The following FGR variants were observed in gnomAD, a reference collection of about 807,000 sequenced individuals.
FGR encodes FGR proto-oncogene, Src family tyrosine kinase.
A neutral mutation model predicts 63.2 loss-of-function variants in FGR; 26 were observed. The ratio of observed to expected loss-of-function variants is 0.41; its 90% CI spans 0.30 to 0.57. The LOEUF is 0.57. FGR is among the 20% of genes least tolerant of loss of function. FGR has a pLI of 0.27. For synonymous variants in FGR, 286 were observed against 277.7 expected, an observed-to-expected ratio of 1.03 and a Z score of -0.30; for missense variants, 511 against 690.8, an observed-to-expected ratio of 0.74 and a Z score of 2.92.
chr1:27,623,997 T>C (rs976212550), intron 2 of FGR, 68 bp from the exon 3 acceptor site: 6 of 1,323,898 alleles, frequency 4.5e-6, no homozygotes, highest in Middle Eastern at 2.7e-4. Flanking sequence ...CACACGCGCA[T>C]GCACATGCTC....
At chr1:27,628,477 G>A (rs778792283) in intron 1 of FGR, among the ~76,000 whole-genome samples, 89 of 150,710 alleles carry the variant, frequency 5.9e-4, no homozygotes, top group Non-Finnish European at 8.3e-4. Flanking sequence ...GCACAAATGC[G>A]GATGCCCCCA....
chr1:27,618,321 C>T (rs1392800536), intron 5 of FGR, among the ~76,000 whole-genome samples: 1 of 152,164 alleles, frequency 6.6e-6, no homozygotes, highest in Non-Finnish European at 1.5e-5. Flanking sequence ...AATAATAACA[C>T]ACATATTTCG....
chr1:27,624,512 C>T (rs1347562782), intron 2 of FGR, among the ~76,000 whole-genome samples: 2 of 152,084 alleles, frequency 1.3e-5, no homozygotes, highest in Admixed American at 1.3e-4. Flanking sequence ...TGTACATGTG[C>T]GTCTTTGTGT....
At chr1:27,614,352 G>T in intron 11 of FGR, 78 bp downstream of exon 11, 2 of 1,485,706 alleles carry the variant, frequency 1.3e-6, no homozygotes, top group Non-Finnish European at 1.8e-6. Context: ...AGTGAGGAAG[G>T]GTTCCTGAGT....
rs113479576 is a variant in FGR, at chr1:27,621,413, T to C, written c.428+146A>G. 2.6e-3 allele frequency: 1,627 copies of C among 627,194 alleles called. 11 individuals are homozygous for C. The highest frequency in any genetic ancestry group is 2.3e-3 in the Non-Finnish European group (776 of 338,912). 38.9% of individuals were successfully genotyped at this position (627,194 alleles called of 1,614,324 possible). A position where few individuals can be genotyped will look rare whatever the true frequency, so the allele number is the denominator to read the frequency against. On this transcript the variant is annotated intron_variant, in intron 5 of 12. Transcript: ENST00000374005. ...TACTATTATTATTATCAGTACAATC[T>C]TCTTTTGTTCTCACAATGACCTTAC...
rs758501487 is a variant in FGR at position 27,612,928 on chromosome 1, C to T, written c.1576G>A (p.Gly526Arg). The T allele has an allele frequency of 4.1e-5, 66 of 1,613,714 alleles. No individual in the cohort carries two copies. Among genetic ancestry groups the T allele is most frequent in the Non-Finnish European group, 4.9e-5 (58 of 1,179,922 alleles). The change falls in exon 13 of 13, where the codon GGG (glycine) becomes AGG (arginine). Residue 526 changes from glycine to arginine, a missense_variant. Physicochemically the swap from Gly to Arg is moderately radical, Grantham distance 125. Coordinates refer to ENST00000374005, the MANE Select transcript of FGR (RefSeq NM_005248.3). The stretch of plus-strand genomic sequence containing the variant: ...GCCCGGACAGGCTATGTCTGATCCC[C>T]GGGCTGGTACTGTGGTTCAGCGGAG... ...FTSAEPQYQPGDQT is the reference protein window; with the variant it reads ...FTSAEPQYQPRDQT
chr1:27,621,740 C>T lies in FGR; in HGVS notation c.330-83G>A, dbSNP rs1890463. The stretch of plus-strand genomic sequence containing the variant: ...GGCCAGGTGGAGCCACACAGGTCTG[C>T]AGAGATGAATCCTGCCAAACCCTCA... On this transcript the variant is annotated intron_variant, in intron 4 of 12. Transcript: ENST00000374005. The T allele has an allele frequency of 0.015, 14,596 of 970,466 alleles. 1,339 individuals are homozygous for T. In the Admixed American group the frequency reaches 0.19, roughly 13 times the overall value. 60.1% of individuals were successfully genotyped at this position (970,466 alleles called of 1,614,324 possible). A position where few individuals can be genotyped will look rare whatever the true frequency, so the allele number is the denominator to read the frequency against.
intron 10 of FGR, 110 bp from the exon 11 acceptor site, chr1:27,614,693 T>G: frequency 1.4e-6 from 2 of 1,406,656 alleles, no homozygotes; most frequent in South Asian, 2.6e-5. Flanking sequence ...AGGGGGAGAC[T>G]GAGGCCCAGA....
rs1271327917 is a variant in FGR at position 27,612,452 on chromosome 1, G to A, written c.*462C>T. The A allele has an allele frequency of 6.2e-6, 1 of 162,230 alleles. No homozygotes were observed. The highest frequency in any genetic ancestry group is 1.4e-5 in the Non-Finnish European group (1 of 73,548). 10.0% of individuals were successfully genotyped at this position (162,230 alleles called of 1,614,324 possible). A position where few individuals can be genotyped will look rare whatever the true frequency, so the allele number is the denominator to read the frequency against. On this transcript the variant is annotated 3_prime_UTR_variant, in exon 13 of 13. Coordinates refer to ENST00000374005, the MANE Select transcript of FGR (RefSeq NM_005248.3). Reference sequence around the variant, plus strand: ...CACTGCATCCACCCAGCAGGAAAGGGGTCCAGCCAAGACTTTTCCTGACTT... The same window carrying A: ...CACTGCATCCACCCAGCAGGAAAGGAGTCCAGCCAAGACTTTTCCTGACTT...
chr1:27,615,855 G>T lies in FGR; in HGVS notation c.683-11C>A. 1 of 1,568,646 alleles carries T rather than the reference G, an allele frequency of 6.4e-7. No individual in the cohort carries two copies. Among genetic ancestry groups the T allele is most frequent in the South Asian group, 1.2e-5 (1 of 85,810 alleles). On this transcript the variant is annotated splice_polypyrimidine_tract_variant and intron_variant, in intron 7 of 12. Coordinates refer to ENST00000374005, the MANE Select transcript of FGR (RefSeq NM_005248.3). The surrounding 1 kb of genome is among the most constrained non-coding windows in gnomAD (Gnocchi z 7.6). ...GCCCGTCATTCACCTCTAGGGGAGG[G>T]GTCATGAAGTAGAGTCACAGGTGGG...
In FGR at chr1:27,617,081, C is replaced by T; in HGVS notation, c.533-75G>A. The T allele has an allele frequency of 2.5e-6, 4 of 1,605,158 alleles. No individual in the cohort carries two copies. Among genetic ancestry groups the T allele is most frequent in the Non-Finnish European group, 3.4e-6 (4 of 1,173,600 alleles). ...GGAGCTGGGAGAGGCCCGACAGCAG[C>T]ATCCCTAGGACCTGGTCCCAGTCTT... On this transcript the variant is annotated intron_variant, in intron 6 of 12. Transcript: ENST00000374005. This position sits in a 1 kb window ranked among gnomAD's most constrained non-coding sequence, Gnocchi z 4.5.
At chr1:27,620,100 T>G (rs990523388) in intron 5 of FGR, among the ~76,000 whole-genome samples, 5 of 152,148 alleles carry the variant, frequency 3.3e-5, no homozygotes, top group Non-Finnish European at 7.3e-5. Context: ...GAAGATCACT[T>G]GAGGTCAGGA....
rs368481175 is a variant in FGR at position 27,630,563 on chromosome 1, G to T, written c.-77+4502C>A. Among the ~76,000 whole-genome samples, 619 of 149,616 alleles carry T rather than the reference G, an allele frequency of 4.1e-3. 1 individual carries two copies. Among genetic ancestry groups the T allele is most frequent in the African/African-American group, 0.015 (588 of 39,178 alleles). On this transcript the variant is annotated intron_variant, in intron 1 of 12. Coordinates refer to ENST00000374005, the MANE Select transcript of FGR (RefSeq NM_005248.3). ...TTGATACAGCAGGCAGGGCGCAGGT[G>T]GGGGGAGGGAGGGGCGCAGGAGAGA... is the stretch of plus-strand genomic sequence containing the variant.
intron 11 of FGR, among the ~76,000 whole-genome samples, chr1:27,613,694 C>CA (rs56363244): frequency 0.035 from 2,570 of 73,216 alleles, 83 homozygotes; most frequent in East Asian, 0.057. Flanking sequence ...GACTCCATCT[C>CA]AAAAAAAAAA....
chr1:27,626,460 C>T (rs2090023325), intron 1 of FGR: 1 of 341,768 alleles, frequency 2.9e-6, no homozygotes. Context: ...CACCACTCAC[C>T]TCTTCCAGAA....
chr1:27,614,511 C>T lies in FGR; in HGVS notation c.1168G>A (p.Val390Ile). ...ATCTTGCACGCCAGCCGCTCCCCAA[C>T]CAGGATGTTGGCTGCCCTCAGGTCG... is the stretch of plus-strand genomic sequence containing the variant. ...HRDLRAANILVGERLACKIAD... is the reference protein window; with the variant it reads ...HRDLRAANILIGERLACKIAD... Residue 390 changes from valine (V) to isoleucine (I), a missense_variant, in exon 11 of 13, where the codon GTT becomes ATT. Transcript: ENST00000374005. The T allele has an allele frequency of 6.2e-7, 1 of 1,614,054 alleles. No homozygotes were observed. Among genetic ancestry groups the T allele is most frequent in the Non-Finnish European group, 8.5e-7 (1 of 1,179,974 alleles).
chr1:27,623,091 C>T lies in FGR; in HGVS notation c.280G>A (p.Asp94Asn), dbSNP rs1007395671. ...ALYDYEARTE[D>N]DLTFTKGEKF... ...TCGCCCTTGGTGAAGGTGAGGTCATCCTCAGTTCGAGCCTCATAGTCATAC... is the reference window on the plus strand; with the variant it reads ...TCGCCCTTGGTGAAGGTGAGGTCATTCTCAGTTCGAGCCTCATAGTCATAC... Residue 94 changes from aspartate (D) to asparagine (N), a missense_variant, in exon 4 of 13, where the codon GAT (aspartate) becomes AAT (asparagine). Asp to Asn is a conservative substitution (Grantham distance 23). Transcript: ENST00000374005. 6.2e-7 allele frequency: 1 copy of T among 1,614,176 alleles called. No homozygotes were observed. Among genetic ancestry groups the T allele is most frequent in the African/African-American group, 1.3e-5 (1 of 75,048 alleles).
rs889269740 is a variant in FGR at position 27,616,575 on chromosome 1, C to A, written c.682+282G>T. On this transcript the variant is annotated intron_variant, in intron 7 of 12. Coordinates refer to ENST00000374005, the MANE Select transcript of FGR (RefSeq NM_005248.3). The surrounding 1 kb of genome is among the most constrained non-coding windows in gnomAD (Gnocchi z 4.3). ...AGTCCTGGTGCCTTGGTGGGGCATT[C>A]AGGCGGCACAAACACTCCATCAAGT... Among the ~76,000 whole-genome samples the A allele has an allele frequency of 6.6e-6, 1 of 152,246 alleles. No individual in the cohort carries two copies. The highest frequency in any genetic ancestry group is 1.5e-5 in the Non-Finnish European group (1 of 68,050).
Position 27,623,815 on chromosome 1 carries a change from A to G in FGR, c.102T>C (p.Tyr34=), listed in dbSNP as rs1384732010. 6.2e-7 allele frequency: 1 copy of G among 1,614,208 alleles called. No individual in the cohort carries two copies. Among genetic ancestry groups the G allele is most frequent in the Non-Finnish European group, 8.5e-7 (1 of 1,180,032 alleles). The change falls in exon 3 of 13, where the codon TAT becomes TAC. Residue 34 remains tyrosine, a synonymous_variant. Coordinates refer to ENST00000374005, the MANE Select transcript of FGR (RefSeq NM_005248.3). ...DFRSYGAADH[Y]GPDPTKARPA... is the part of the protein sequence containing the mutation. ...GCCGGGCCTTAGTGGGGTCAGGCCC[A>G]TAGTGGTCTGCTGCCCCGTAGCTTC...
Sources: allele counts gnomAD v4.1 joint callset (sites outside exome capture counted in the v4.1 genomes callset), GRCh38; gene constraint gnomAD v4.1.1; non-coding constraint Gnocchi (gnomAD v3.1); transcripts MANE v1.5; gene names NCBI Gene and HGNC (gene_info 2026-07-23, HGNC 2026-07-21).